CRACD: variants seen among roughly 807,000 people sequenced by gnomAD.
CRACD encodes the protein capping protein-inhibiting regulator of actin dynamics.
Under a neutral mutation model 106.8 loss-of-function variants are expected in CRACD, and 56 were observed. The observed-to-expected ratio is 0.52, with a 90% CI of 0.42 to 0.66. The LOEUF (loss-of-function observed/expected upper bound fraction) is 0.66, where lower values mean the gene tolerates loss of function less well. Among genes scored for constraint, CRACD ranks in the 30% least tolerant of loss-of-function variants. The probability of loss-of-function intolerance (pLI) is 0.00; values close to 1 mark genes in which losing one functional copy is unlikely to be tolerated. For missense variants in CRACD, 1,730 were observed against 1,623.2 expected (o/e 1.07, Z -1.13); for synonymous variants, 754 against 670.8 (o/e 1.12, Z -1.92).
In CRACD at chr4:56,186,334, ACAGGTG is replaced by A. The variant is rs1202684929; in HGVS notation, c.-189+6906_-189+6911del. Among the ~76,000 whole-genome samples the A allele has an allele frequency of 3.9e-5, 6 of 152,298 alleles. No individual in the cohort carries two copies. The East Asian group carries it at 1.2e-3, about 29-fold the overall frequency. On this transcript the variant is annotated intron_variant, in intron 2 of 10. Coordinates refer to ENST00000682029, the MANE Select transcript of CRACD (RefSeq NM_001393381.1). ...CTTCCTGGGAGTGTAGTGTTTATGA[ACAGGTG>A]CCATGGGACCACAGTTAAACACAGG...
At chr4:56,052,177 C>G (rs547281845) in intron 1 of CRACD, among the ~76,000 whole-genome samples, 7 of 152,324 alleles carry the variant, frequency 4.6e-5, no homozygotes, top group African/African-American at 1.7e-4. Context: ...GCATGAACCA[C>G]TGCGCCCAGC....
intron 1 of CRACD, among the ~76,000 whole-genome samples, chr4:56,165,306 A>G (rs1318408330): frequency 1.3e-5 from 2 of 152,148 alleles, no homozygotes; most frequent in African/African-American, 4.8e-5. Context: ...AACAGACAGA[A>G]ATCCCTGCTC....
At chr4:56,214,212 A>G (rs995350669) in intron 2 of CRACD, among the ~76,000 whole-genome samples, 5 of 151,800 alleles carry the variant, frequency 3.3e-5, no homozygotes, top group African/African-American at 1.2e-4. Flanking sequence ...TCTCACTGTC[A>G]CTCCACATAA....
chr4:56,316,183 A>G lies in CRACD; in HGVS notation c.2681A>G (p.Glu894Gly). 1 of 1,614,166 alleles carries G rather than the reference A, an allele frequency of 6.2e-7. No individual in the cohort carries two copies. Among genetic ancestry groups the G allele is most frequent in the Non-Finnish European group, 8.5e-7 (1 of 1,180,026 alleles). ...PAAGSARGEK[E>G]MEGVALKHGP... ...GCGGGGAGCGCTCGTGGAGAGAAAGAGATGGAGGGTGTGGCCCTCAAGCAT... is the reference window on the plus strand; with the variant it reads ...GCGGGGAGCGCTCGTGGAGAGAAAGGGATGGAGGGTGTGGCCCTCAAGCAT... Residue 894 changes from glutamate to glycine, a missense_variant, in exon 8 of 11, where the codon GAG becomes GGG. Around this residue, in one of 5 missense-constraint regions of CRACD, gnomAD observed 1,620 missense variants for 1,481.6 expected, o/e 1.09. Transcript: ENST00000682029.
At chr4:56,059,424 C>T (rs967872126) in intron 1 of CRACD, among the ~76,000 whole-genome samples, 4 of 152,102 alleles carry the variant, frequency 2.6e-5, no homozygotes, top group Non-Finnish European at 5.9e-5. Context: ...TACAGTGAGC[C>T]GAGATTGTGC....
intron 2 of CRACD, among the ~76,000 whole-genome samples, chr4:56,261,051 G>T (rs996096715): frequency 6.6e-6 from 1 of 152,168 alleles, no homozygotes; most frequent in Non-Finnish European, 1.5e-5. Context: ...CAGGTGTTGG[G>T]TGTTCAATAC....
rs1289740190 is a variant in CRACD at position 56,315,098 on chromosome 4, C to A, written c.1596C>A (p.Thr532=). 6.2e-7 allele frequency: 1 copy of A among 1,611,108 alleles called. No individual in the cohort carries two copies. Among genetic ancestry groups the A allele is most frequent in the Admixed American group, 1.7e-5 (1 of 59,684 alleles). The change falls in exon 8 of 11, where the codon ACC becomes ACA. Residue 532 remains threonine (T), a synonymous_variant. Coordinates refer to ENST00000682029, the MANE Select transcript of CRACD (RefSeq NM_001393381.1). The surrounding 1 kb of genome is among the most constrained non-coding windows in gnomAD (Gnocchi z 4.1). ...LRWQEVDERQ[T]MPRPYTFQVS... ...GGCAGGAGGTGGACGAGAGACAGAC[C>A]ATGCCCCGGCCCTACACGTTCCAGG...
chr4:56,324,180 A>C lies in CRACD; in HGVS notation c.3455A>C (p.Glu1152Ala), dbSNP rs370594828. The change falls in exon 10 of 11, where the codon GAA (glutamate) becomes GCA (alanine). Residue 1152 changes from glutamate (E) to alanine (A), a missense_variant. By Grantham distance (107) the Glu-to-Ala change is moderately radical. Transcript: ENST00000682029. ...GSLHKSTALP[E>A]EKRPETAVSR... Reference sequence around the variant, plus strand: ...CTGCACAAGTCCACTGCTCTGCCAGAAGAGAAGAGGCCCGAGACTGCAGTG... The same window carrying C: ...CTGCACAAGTCCACTGCTCTGCCAGCAGAGAAGAGGCCCGAGACTGCAGTG... 6.2e-7 allele frequency: 1 copy of C among 1,614,096 alleles called. No homozygotes were observed. Among genetic ancestry groups the C allele is most frequent in the Non-Finnish European group, 8.5e-7 (1 of 1,180,012 alleles).
intron 1 of CRACD, among the ~76,000 whole-genome samples, chr4:56,075,985 T>C (rs1454433565): frequency 1.3e-5 from 2 of 152,112 alleles, no homozygotes; most frequent in African/African-American, 4.8e-5. Context: ...GAAAAAAAAG[T>C]CTAAAAAGCT....
intron 1 of CRACD, 147 bp downstream of exon 1, chr4:56,049,446 C>CGGGCGGTGGGCTTCG (rs1553898233): frequency 6.6e-6 from 1 of 152,002 alleles, no homozygotes; most frequent in Non-Finnish European, 1.5e-5. Flanking sequence ...CTCGGCGCGG[C>CGGGCGGTGGGCTTCG]GGGCGGTGGG....
At chr4:56,319,025 G>A (rs190176852) in intron 8 of CRACD, among the ~76,000 whole-genome samples, 4 of 152,062 alleles carry the variant, frequency 2.6e-5, no homozygotes, top group East Asian at 3.9e-4. Flanking sequence ...TCTCTTACTC[G>A]TATTATTAGT....
At chr4:56,185,131 A>C (rs1321516472) in intron 2 of CRACD, among the ~76,000 whole-genome samples, 1 of 151,978 alleles carries the variant, frequency 6.6e-6, no homozygotes, top group South Asian at 2.1e-4. Context: ...TAATTTTTTT[A>C]TATTTTTAGT....
At chr4:56,218,343 C>T (rs1738827909) in intron 2 of CRACD, among the ~76,000 whole-genome samples, 1 of 152,042 alleles carries the variant, frequency 6.6e-6, no homozygotes, top group Admixed American at 6.5e-5. Context: ...AACTCCTGGG[C>T]TCAAGCAGTC....
At chr4:56,173,896 G>A (rs1449279373) in intron 1 of CRACD, among the ~76,000 whole-genome samples, 1 of 152,108 alleles carries the variant, frequency 6.6e-6, no homozygotes, top group Non-Finnish European at 1.5e-5. Flanking sequence ...GTTATTTTCT[G>A]TATCTTTGAT....
At chr4:56,256,137 A>G (rs1186258288) in intron 2 of CRACD, among the ~76,000 whole-genome samples, 1 of 152,166 alleles carries the variant, frequency 6.6e-6, no homozygotes, top group Non-Finnish European at 1.5e-5. Context: ...CCCAAATCTC[A>G]TCTTGAATTG....
In CRACD at chr4:56,231,271, A is replaced by C. The variant is rs999204162; in HGVS notation, c.-188-41050A>C. ...TTCTAAGTGTCCCAAGAGAAGAGGC[A>C]GTATCTATTGTCCAGCAATATGTAT... is the stretch of plus-strand genomic sequence containing the variant. On this transcript the variant is annotated intron_variant, in intron 2 of 10. Transcript: ENST00000682029. Among the ~76,000 whole-genome samples the C allele has an allele frequency of 3.3e-5, 5 of 152,324 alleles. No individual in the cohort carries two copies. The East Asian group carries it at 7.7e-4, about 23-fold the overall frequency.
intron 1 of CRACD, among the ~76,000 whole-genome samples, chr4:56,148,040 C>T (rs1407200887): frequency 6.6e-6 from 1 of 152,228 alleles, no homozygotes; most frequent in African/African-American, 2.4e-5. Context: ...CATGTGAAGA[C>T]GTAGCAAGAA....
Position 56,164,956 on chromosome 4 carries a change from A to G in CRACD, c.-335-14328A>G, listed in dbSNP as rs1357655350. Among the ~76,000 whole-genome samples, 4 of 152,230 alleles carry G rather than the reference A, an allele frequency of 2.6e-5. No homozygotes were observed. In the East Asian group the frequency reaches 7.7e-4, roughly 29 times the overall value. On this transcript the variant is annotated intron_variant, in intron 1 of 10. Transcript: ENST00000682029. Reference sequence around the variant, plus strand: ...TTTCAAAGACAGACCTAGTGAGAACATCTGGGCAGGACTGATCTCTGAAAT... The same window carrying G: ...TTTCAAAGACAGACCTAGTGAGAACGTCTGGGCAGGACTGATCTCTGAAAT...
chr4:56,278,543 T>C (rs1742807532), intron 3 of CRACD, among the ~76,000 whole-genome samples: 1 of 152,154 alleles, frequency 6.6e-6, no homozygotes, highest in Admixed American at 6.6e-5. Flanking sequence ...GAATTAAAAT[T>C]ATAAAACTCT....
Sources: gnomAD v4.1 joint callset for allele counts (sites outside exome capture counted in the v4.1 genomes callset) on GRCh38, gnomAD v4.1.1 for gene constraint, gnomAD v4.1.1 regional missense constraint, Gnocchi (gnomAD v3.1) non-coding constraint, MANE v1.5 for transcripts, NCBI Gene and HGNC (gene_info 2026-07-23, HGNC 2026-07-21) for gene names.